FOXN3: variants seen among roughly 807,000 people sequenced by gnomAD.
The protein encoded by FOXN3 is forkhead box protein N3.
Under a neutral mutation model 38.4 loss-of-function variants are expected in FOXN3, and 7 were observed. The observed-to-expected ratio is 0.18, with a 90% confidence interval of 0.10 to 0.34. The LOEUF (loss-of-function observed/expected upper bound fraction) is 0.34, where lower values mean the gene tolerates loss of function less well. FOXN3 is among the 10% of genes least tolerant of loss of function. The pLI, the probability that FOXN3 is intolerant of heterozygous loss-of-function variation, is 1.00. For missense variants in FOXN3, 456 were observed against 613.4 expected, an observed-to-expected ratio of 0.74 and a Z score of 2.71; for synonymous variants, 230 against 242.2, an observed-to-expected ratio of 0.95 and a Z score of 0.47.
chr14:89,524,387 AAAAAAAAAAAAAAAAAGAAAG>A (rs1566686317), intron 1 of FOXN3, among the ~76,000 whole-genome samples: 10 of 111,132 alleles, frequency 9.0e-5, no homozygotes, highest in Non-Finnish European at 1.5e-4. Flanking sequence ...AAAAAAAAAA[AAAAAAAAAAAAAAAAAGAAAG>A]AAAGAAACTA....
chr14:89,446,918 C>T (rs1412504719), intron 1 of FOXN3, among the ~76,000 whole-genome samples: 3 of 152,170 alleles, frequency 2.0e-5, no homozygotes, highest in Non-Finnish European at 4.4e-5. Context: ...ATTCCTGGGC[C>T]GGGCACGGTG....
At chr14:89,309,293 C>T (rs1887464053) in intron 3 of FOXN3, among the ~76,000 whole-genome samples, 1 of 152,014 alleles carries the variant, frequency 6.6e-6, no homozygotes, top group Non-Finnish European at 1.5e-5. Flanking sequence ...TGCCACGTGC[C>T]ACCACTTCTC....
intron 1 of FOXN3, among the ~76,000 whole-genome samples, chr14:89,602,437 T>C (rs1403457946): frequency 1.3e-5 from 2 of 152,164 alleles, no homozygotes; most frequent in Non-Finnish European, 1.5e-5. Context: ...TTCAGAGGCT[T>C]AATTTTTTTA....
intron 4 of FOXN3, among the ~76,000 whole-genome samples, chr14:89,272,957 C>T (rs534838015): frequency 4.7e-4 from 71 of 152,294 alleles, no homozygotes; most frequent in African/African-American, 1.7e-3. Flanking sequence ...CTGAAATTGG[C>T]CTCCTATTCT....
chr14:89,241,904 C>G (rs2139867382), intron 4 of FOXN3, among the ~76,000 whole-genome samples: 1 of 152,312 alleles, frequency 6.6e-6, no homozygotes, highest in Middle Eastern at 3.4e-3. Flanking sequence ...CTGCCTCTCC[C>G]CACCCATGGA....
intron 1 of FOXN3, among the ~76,000 whole-genome samples, chr14:89,480,051 A>G (rs1214510812): frequency 6.6e-6 from 1 of 152,156 alleles, no homozygotes; most frequent in Non-Finnish European, 1.5e-5. Flanking sequence ...TTTGTATCCC[A>G]TGTTGTAAGC....
intron 1 of FOXN3, among the ~76,000 whole-genome samples, chr14:89,589,610 A>G (rs1004810470): frequency 2.0e-5 from 3 of 151,906 alleles, no homozygotes; most frequent in Non-Finnish European, 2.9e-5. Flanking sequence ...ACCATGCAGC[A>G]TGAATCTGAA....
intron 2 of FOXN3, among the ~76,000 whole-genome samples, chr14:89,384,094 A>G (rs1890732319): frequency 6.6e-6 from 1 of 152,218 alleles, no homozygotes; most frequent in South Asian, 2.1e-4. Flanking sequence ...ATTAGAGCTG[A>G]AAGAACCTCA....
intron 2 of FOXN3, among the ~76,000 whole-genome samples, chr14:89,372,983 T>C (rs9944024): frequency 0.15 from 23,356 of 151,804 alleles, 1,904 homozygotes; most frequent in Non-Finnish European, 0.19. Context: ...CTGAGCAACA[T>C]AGGAAAATCC....
chr14:89,497,401 T>G (rs2139782929), intron 1 of FOXN3, among the ~76,000 whole-genome samples: 1 of 127,600 alleles, frequency 7.8e-6, no homozygotes, highest in East Asian at 2.4e-4. Flanking sequence ...AATGTATAAA[T>G]ATCTTTTTTT....
intron 1 of FOXN3, among the ~76,000 whole-genome samples, chr14:89,463,238 G>T (rs1199424574): frequency 6.6e-6 from 1 of 150,864 alleles, no homozygotes; most frequent in African/African-American, 2.4e-5. Context: ...GCAGTGAGCG[G>T]ACTCCAGCCT....
At chr14:89,337,395 G>C (rs1007657568) in intron 3 of FOXN3, among the ~76,000 whole-genome samples, 1 of 152,122 alleles carries the variant, frequency 6.6e-6, no homozygotes, top group Admixed American at 6.6e-5. Flanking sequence ...ATTTAAACAC[G>C]GATTATGTAT....
intron 2 of FOXN3, among the ~76,000 whole-genome samples, chr14:89,367,734 CT>C (rs1365923625): frequency 6.6e-6 from 1 of 152,194 alleles, no homozygotes; most frequent in Non-Finnish European, 1.5e-5. Flanking sequence ...GACCTGGCCC[CT>C]GGGAACAGTG....
chr14:89,547,431 T>G (rs1894909691), intron 1 of FOXN3, among the ~76,000 whole-genome samples: 2 of 151,798 alleles, frequency 1.3e-5, no homozygotes, highest in Non-Finnish European at 1.5e-5. Flanking sequence ...ATTGTTTTTT[T>G]GTTTGTTTGT....
intron 1 of FOXN3, among the ~76,000 whole-genome samples, chr14:89,530,647 T>G (rs1197937319): frequency 1.3e-5 from 2 of 151,980 alleles, no homozygotes; most frequent in African/African-American, 4.8e-5. Flanking sequence ...TCTCAATCTA[T>G]TGCCCAGGCT....
At chr14:89,254,420 G>A (rs1885554164) in intron 4 of FOXN3, among the ~76,000 whole-genome samples, 1 of 152,098 alleles carries the variant, frequency 6.6e-6, no homozygotes, top group African/African-American at 2.4e-5. Context: ...GAGAAGGGGT[G>A]GTGCAGGGAA....
At chr14:89,486,876 G>A (rs1235400886) in intron 1 of FOXN3, among the ~76,000 whole-genome samples, 1 of 152,076 alleles carries the variant, frequency 6.6e-6, no homozygotes, top group Non-Finnish European at 1.5e-5. Context: ...CTGTCTCATG[G>A]GGCATAAGAA....
At chr14:89,365,894 TTAAA>T (rs1890126853) in intron 2 of FOXN3, among the ~76,000 whole-genome samples, 1 of 152,138 alleles carries the variant, frequency 6.6e-6, no homozygotes, top group African/African-American at 2.4e-5. Context: ...AACATGAAAG[TTAAA>T]TAATTATTAC....
At chr14:89,220,491 G>C (rs1005793026) in intron 4 of FOXN3, among the ~76,000 whole-genome samples, 1 of 152,198 alleles carries the variant, frequency 6.6e-6, no homozygotes, top group Non-Finnish European at 1.5e-5. Flanking sequence ...AATGCAAGCT[G>C]TGTGCTGGTG....
Sources: gnomAD v4.1 joint callset for allele counts (sites outside exome capture counted in the v4.1 genomes callset) on GRCh38, gnomAD v4.1.1 for gene constraint, MANE v1.5 for transcripts, NCBI Gene and HGNC (gene_info 2026-07-23, HGNC 2026-07-21) for gene names.